PXDC1: variants seen among roughly 807,000 people sequenced by gnomAD.
The protein encoded by PXDC1 is PX domain containing 1, also known as PX domain-containing protein 1.
In PXDC1, 13 loss-of-function variants were observed where a neutral mutation model predicts 24.4. That is an observed-to-expected ratio of 0.53 (90% CI 0.35 to 0.85). The LOEUF (loss-of-function observed/expected upper bound fraction) is 0.85, where lower values mean the gene tolerates loss of function less well. Among genes scored for constraint, PXDC1 ranks in the 40% least tolerant of loss-of-function variants. PXDC1 has a pLI of 0.01. For missense variants in PXDC1, 344 were observed against 309.3 expected, an observed-to-expected ratio of 1.11 and a Z score of -0.84; for synonymous variants, 162 against 124.9, an observed-to-expected ratio of 1.30 and a Z score of -1.98.
At chr6:3,731,981 G>T (rs140311803) in intron 3 of PXDC1, among the ~76,000 whole-genome samples, 1 of 152,222 alleles carries the variant, frequency 6.6e-6, no homozygotes, top group African/African-American at 2.4e-5. Context: ...TTTCCACAGC[G>T]AAGTTACCAC....
At chr6:3,746,816 C>G (rs958046400) in intron 1 of PXDC1, among the ~76,000 whole-genome samples, 1 of 152,118 alleles carries the variant, frequency 6.6e-6, no homozygotes, top group African/African-American at 2.4e-5. Context: ...CACTGTCCAC[C>G]CGAGAACAGC....
intron 1 of PXDC1, among the ~76,000 whole-genome samples, chr6:3,750,065 C>G (rs977265040): frequency 6.6e-6 from 1 of 152,254 alleles, no homozygotes; most frequent in Non-Finnish European, 1.5e-5. Context: ...GCCTGAAAGG[C>G]GGGCCTTCTC....
At position 3,723,326 on chromosome 6, in the gene PXDC1, C is replaced by T. The variant is rs563718551; in HGVS notation, c.*293G>A. On this transcript the variant is annotated 3_prime_UTR_variant, in exon 5 of 5. Coordinates refer to ENST00000380283, the MANE Select transcript of PXDC1 (RefSeq NM_183373.4). ...GAGCCCCACAGGAACTGTCCCTGCC[C>T]TGGCAGTGCGCAGCCCTGTGGGCAC... The T allele has an allele frequency of 7.2e-6, 3 of 416,290 alleles. No homozygotes were observed. Among genetic ancestry groups the T allele is most frequent in the Non-Finnish European group, 1.3e-5 (3 of 228,822 alleles). 25.8% of individuals were successfully genotyped at this position (416,290 alleles called of 1,614,324 possible). A position where few individuals can be genotyped will look rare whatever the true frequency, so the allele number is the denominator to read the frequency against.
In PXDC1 at chr6:3,724,188, G is replaced by A. The variant is rs1424706204; in HGVS notation, c.579-452C>T. ...GACACACGGACGCACAGGAGGCTGC[G>A]AGGGAACAGGAGGCTGGAGAAGAGC... On this transcript the variant is annotated intron_variant, in intron 4 of 4. Transcript: ENST00000380283. This position sits in a 1 kb window ranked among gnomAD's most constrained non-coding sequence, Gnocchi z 4.5. Among the ~76,000 whole-genome samples the A allele has an allele frequency of 6.6e-6, 1 of 152,136 alleles. No individual in the cohort carries two copies. Among genetic ancestry groups the A allele is most frequent in the Non-Finnish European group, 1.5e-5 (1 of 68,014 alleles).
chr6:3,723,766 T>TG (rs1178657556), intron 4 of PXDC1, 30 bp from the exon 5 acceptor site: 2 of 1,578,818 alleles, frequency 1.3e-6, no homozygotes, highest in African/African-American at 2.7e-5. Flanking sequence ...AGGTGAGGGG[T>TG]GGCTCATTGT....
In PXDC1 at chr6:3,729,664, C is replaced by G. The variant is rs376609304; in HGVS notation, c.467-2002G>C. ...TATCCTAACAAGATAAACTAAGATT[C>G]CCTCGCCTCTCTATCTAAAATGGGT... On this transcript the variant is annotated intron_variant, in intron 3 of 4. Coordinates refer to ENST00000380283, the MANE Select transcript of PXDC1 (RefSeq NM_183373.4). Among the ~76,000 whole-genome samples, 4 of 152,180 alleles carry G rather than the reference C, an allele frequency of 2.6e-5. No homozygotes were observed. The South Asian group carries it at 6.2e-4, about 24-fold the overall frequency.
rs984227082 is a variant in PXDC1 at position 3,724,936 on chromosome 6, TG to T, written c.579-1201del. Among the ~76,000 whole-genome samples the T allele has an allele frequency of 7.9e-5, 12 of 152,114 alleles. No homozygotes were observed. Among genetic ancestry groups the T allele is most frequent in the African/African-American group, 2.9e-4 (12 of 41,408 alleles). On this transcript the variant is annotated intron_variant, in intron 4 of 4. Transcript: ENST00000380283. This position sits in a 1 kb window ranked among gnomAD's most constrained non-coding sequence, Gnocchi z 4.5. ...GAGGAAGGCCTCCCCTCTGACTCCATGGCCAGGCCTGGAGTGTGGTGTCAGC... is the reference window on the plus strand; with the variant it reads ...GAGGAAGGCCTCCCCTCTGACTCCATGCCAGGCCTGGAGTGTGGTGTCAGC...
At chr6:3,742,920 T>C (rs1178738433) in intron 1 of PXDC1, among the ~76,000 whole-genome samples, 1 of 152,212 alleles carries the variant, frequency 6.6e-6, no homozygotes, top group Non-Finnish European at 1.5e-5. Context: ...CAGCGTTGTA[T>C]CTGTCAATTT....
rs921589021 is a variant in PXDC1, at chr6:3,728,113, T to C, written c.467-451A>G. ...CAATATTGACTGCCCTGGGTTGTTG[T>C]TCTGACTGAATGAAATCAGTGTGCA... On this transcript the variant is annotated intron_variant, in intron 3 of 4. Coordinates refer to ENST00000380283, the MANE Select transcript of PXDC1 (RefSeq NM_183373.4). The surrounding 1 kb of genome is among the most constrained non-coding windows in gnomAD (Gnocchi z 4.0). Among the ~76,000 whole-genome samples, 2 of 152,204 alleles carry C rather than the reference T, an allele frequency of 1.3e-5. No homozygotes were observed. Among genetic ancestry groups the C allele is most frequent in the African/African-American group, 4.8e-5 (2 of 41,454 alleles).
chr6:3,748,282 C>CT (rs905137560), intron 1 of PXDC1, among the ~76,000 whole-genome samples: 5 of 152,090 alleles, frequency 3.3e-5, no homozygotes, highest in Admixed American at 3.3e-4. Flanking sequence ...AGCTACCTCC[C>CT]TCCCCTAGGG....
chr6:3,751,551 C>T lies in PXDC1; in HGVS notation c.-20G>A. ...GGCCATGTCGCACGCATGCCCCCGC[C>T]AAGGGCTCCCCAGCCCCGCCGCCCG... On this transcript the variant is annotated 5_prime_UTR_variant, in exon 1 of 5. Transcript: ENST00000380283. 6.5e-7 allele frequency: 1 copy of T among 1,544,516 alleles called. No individual in the cohort carries two copies.
intron 1 of PXDC1, among the ~76,000 whole-genome samples, chr6:3,750,569 G>C (rs919375418): frequency 6.6e-6 from 1 of 152,212 alleles, no homozygotes; most frequent in African/African-American, 2.4e-5. Context: ...CAGAGCGGTA[G>C]GAAAAGGGAA....
In PXDC1 at chr6:3,737,273, C is replaced by T; in HGVS notation, c.349-77G>A. 1.0e-6 allele frequency: 1 copy of T among 981,542 alleles called. No homozygotes were observed. Among genetic ancestry groups the T allele is most frequent in the South Asian group, 1.4e-5 (1 of 73,114 alleles). The allele number at this position is 981,542 out of a possible 1,614,324, so 60.8% of individuals were successfully genotyped here. ...CCTGTCTGTCTACCAAGAGAGGGCCCCGCTCCTCCGCAGAGGCAGCCTGTG... is the reference window on the plus strand; with the variant it reads ...CCTGTCTGTCTACCAAGAGAGGGCCTCGCTCCTCCGCAGAGGCAGCCTGTG... On this transcript the variant is annotated intron_variant, in intron 2 of 4. Transcript: ENST00000380283. This position sits in a 1 kb window ranked among gnomAD's most constrained non-coding sequence, Gnocchi z 5.5.
In PXDC1 at chr6:3,737,288, G is replaced by A. The variant is rs893441685; in HGVS notation, c.349-92C>T. The A allele has an allele frequency of 2.6e-5, 23 of 878,036 alleles. No homozygotes were observed. The African/African-American group carries it at 3.3e-4, about 13-fold the overall frequency. 54.4% of individuals were successfully genotyped at this position (878,036 alleles called of 1,614,324 possible). ...AGAGAGGGCCCCGCTCCTCCGCAGA[G>A]GCAGCCTGTGTGATGCAAACGCCCC... On this transcript the variant is annotated intron_variant, in intron 2 of 4. Coordinates refer to ENST00000380283, the MANE Select transcript of PXDC1 (RefSeq NM_183373.4). This position sits in a 1 kb window ranked among gnomAD's most constrained non-coding sequence, Gnocchi z 5.5.
Position 3,737,079 on chromosome 6 carries a change from CT to C in PXDC1, c.465del (p.Glu156LysfsTer3), listed in dbSNP as rs763547216. 1 of 1,585,928 alleles carries C rather than the reference CT, an allele frequency of 6.3e-7. No individual in the cohort carries two copies. Among genetic ancestry groups the C allele is most frequent in the Non-Finnish European group, 8.7e-7 (1 of 1,154,234 alleles). ...QPSFQSPVKI[S>X]EIMRSNGFCL... Reference sequence around the variant, plus strand: ...CCAACGCCTCCTTTGTGGCTCTTACCTGATATTTTGACTGGACTTTGAAAGC... The same window carrying C: ...CCAACGCCTCCTTTGTGGCTCTTACCGATATTTTGACTGGACTTTGAAAGC... On this transcript the variant is annotated frameshift_variant and splice_region_variant, in exon 3 of 5. Transcript: ENST00000380283. LOFTEE classifies it high-confidence loss of function. The surrounding 1 kb of genome is among the most constrained non-coding windows in gnomAD (Gnocchi z 5.5).
rs920311324 is a variant in PXDC1, at chr6:3,723,661, T to C, written c.654A>G (p.Ser218=). Residue 218 remains serine (S), a synonymous_variant, in exon 5 of 5, where the codon TCA becomes TCG. Coordinates refer to ENST00000380283, the MANE Select transcript of PXDC1 (RefSeq NM_183373.4). ...TCTCGAAGGGGACCAGGTGGTAATA[T>C]GACAGGTTGGTGACGTAGGCTGCTG... ...DDPAAYVTNL[S]YYHLVPFETD... is the part of the protein sequence containing the mutation. The C allele has an allele frequency of 3.7e-6, 6 of 1,614,104 alleles. No individual in the cohort carries two copies. In the African/African-American group the frequency reaches 8.0e-5, roughly 22 times the overall value.
intron 3 of PXDC1, among the ~76,000 whole-genome samples, chr6:3,732,500 G>T (rs1760222029): frequency 6.6e-6 from 1 of 152,234 alleles, no homozygotes; most frequent in Non-Finnish European, 1.5e-5. Flanking sequence ...AGTCCAAGTT[G>T]CCAGATCGAA....
At chr6:3,744,861 G>C (rs57574834) in intron 1 of PXDC1, among the ~76,000 whole-genome samples, 2,278 of 152,260 alleles carry the variant, frequency 0.015, 72 homozygotes, top group African/African-American at 0.052. Flanking sequence ...TACCAGGCTC[G>C]GCTAATTTTT....
intron 1 of PXDC1, among the ~76,000 whole-genome samples, chr6:3,740,537 A>G (rs893066454): frequency 6.6e-6 from 1 of 152,200 alleles, no homozygotes; most frequent in African/African-American, 2.4e-5. Flanking sequence ...AACTACAGAA[A>G]GGCAAGTGTA....
Sources: allele counts gnomAD v4.1 joint callset (sites outside exome capture counted in the v4.1 genomes callset), GRCh38; gene constraint gnomAD v4.1.1; non-coding constraint Gnocchi (gnomAD v3.1); transcripts MANE v1.5; gene names NCBI Gene and HGNC (gene_info 2026-07-23, HGNC 2026-07-21).